CCIN: variants seen among roughly 807,000 people sequenced by gnomAD.
The protein encoded by CCIN is testis tissue sperm-binding protein Li 65n.
CCIN carries 15 observed loss-of-function variants against 32.2 expected under a neutral mutation model. The ratio of observed to expected loss-of-function variants is 0.47; its 90% confidence interval spans 0.31 to 0.72. The LOEUF (loss-of-function observed/expected upper bound fraction) is 0.72, where lower values mean the gene tolerates loss of function less well. Among genes scored for constraint, CCIN ranks in the 30% least tolerant of loss-of-function variants. The pLI, the probability that CCIN is intolerant of heterozygous loss-of-function variation, is 0.05. For synonymous variants in CCIN, 302 were observed against 297.4 expected, an observed-to-expected ratio of 1.02 and a Z score of -0.16; for missense variants, 623 against 759.4, an observed-to-expected ratio of 0.82 and a Z score of 2.11.
rs780732608 is a variant in CCIN, at chr9:36,170,373, G to A, written c.871G>A (p.Gly291Ser). The A allele has an allele frequency of 3.7e-6, 6 of 1,614,028 alleles. No homozygotes were observed. The highest frequency in any genetic ancestry group is 1.7e-5 in the Admixed American group (1 of 60,010). The change falls in exon 1 of 1, where the codon GGC becomes AGC. Residue 291 changes from glycine to serine, a missense_variant. By Grantham distance (56) the Gly-to-Ser change is moderately conservative (BLOSUM62 0). Coordinates refer to ENST00000335119, the MANE Select transcript of CCIN (RefSeq NM_005893.3). ...VVILGGQKAH[G>S]QFNDGVFAYI... is the part of the protein sequence containing the mutation. Reference sequence around the variant, plus strand: ...CATCCTCGGTGGCCAGAAGGCCCACGGCCAGTTCAATGATGGAGTGTTTGC... The same window carrying A: ...CATCCTCGGTGGCCAGAAGGCCCACAGCCAGTTCAATGATGGAGTGTTTGC...
In CCIN at chr9:36,169,979, C is replaced by T. The variant is rs1423435941; in HGVS notation, c.477C>T (p.Asn159=). ...SDVAYSGIRD[N]FHYWASPEGS... ...TAGCTTACTCTGGCATTCGGGACAA[C>T]TTCCACTACTGGGCCAGTCCTGAGG... is the stretch of plus-strand genomic sequence containing the variant. The change falls in exon 1 of 1, where the codon AAC becomes AAT. Residue 159 remains asparagine, a synonymous_variant. Transcript: ENST00000335119. The T allele has an allele frequency of 3.1e-6, 5 of 1,614,022 alleles. No individual in the cohort carries two copies. In the South Asian group the frequency reaches 4.4e-5, roughly 14 times the overall value.
In CCIN at chr9:36,169,732, T is replaced by C. The variant is rs1228645269; in HGVS notation, c.230T>C (p.Leu77Pro). Residue 77 changes from leucine (L) to proline (P), a missense_variant, in exon 1 of 1, where the codon CTG (leucine) becomes CCG (proline). Leu to Pro is a moderately conservative substitution (Grantham distance 98). Transcript: ENST00000335119. ...ELFITIDTSY[L>P]SPVTVDQLLD... ...TTCATCACCATTGACACCAGTTACC[T>C]GAGCCCGGTCACAGTGGACCAGCTT... 1 of 1,614,188 alleles carries C rather than the reference T, an allele frequency of 6.2e-7. No individual in the cohort carries two copies. Among genetic ancestry groups the C allele is most frequent in the Non-Finnish European group, 8.5e-7 (1 of 1,180,034 alleles).
Position 36,169,672 on chromosome 9 carries a change from T to C in CCIN, c.170T>C (p.Ile57Thr). 2 of 1,614,144 alleles carry C rather than the reference T, an allele frequency of 1.2e-6. No homozygotes were observed. The highest frequency in any genetic ancestry group is 1.1e-5 in the South Asian group (1 of 91,078). The part of the protein sequence containing the change: ...AAVSPLVRSL[I>T]SSNDMKTADE... Reference sequence around the variant, plus strand: ...GTCTCCCCACTGGTGAGGAGCCTCATCTCCAGCAATGACATGAAGACCGCT... The same window carrying C: ...GTCTCCCCACTGGTGAGGAGCCTCACCTCCAGCAATGACATGAAGACCGCT... Residue 57 changes from isoleucine to threonine, a missense_variant, in exon 1 of 1, where the codon ATC (isoleucine) becomes ACC (threonine). Ile to Thr is a moderately conservative substitution (Grantham distance 89, BLOSUM62 -1). Coordinates refer to ENST00000335119, the MANE Select transcript of CCIN (RefSeq NM_005893.3).
chr9:36,170,626 G>T lies in CCIN; in HGVS notation c.1124G>T (p.Gly375Val). Residue 375 changes from glycine (G) to valine (V), a missense_variant, in exon 1 of 1, where the codon GGG (glycine) becomes GTG (valine). Physicochemically the swap from Gly to Val is moderately radical, Grantham distance 109 (BLOSUM62 -3). Coordinates refer to ENST00000335119, the MANE Select transcript of CCIN (RefSeq NM_005893.3). ...TTCCACACCATGGTGACCTGTGGGGGGACAGTGTACTCAGTGGGCGGGAGC... is the reference window on the plus strand; with the variant it reads ...TTCCACACCATGGTGACCTGTGGGGTGACAGTGTACTCAGTGGGCGGGAGC... ...LVFHTMVTCG[G>V]TVYSVGGSIA... 1 of 1,614,136 alleles carries T rather than the reference G, an allele frequency of 6.2e-7. No individual in the cohort carries two copies. Among genetic ancestry groups the T allele is most frequent in the Non-Finnish European group, 8.5e-7 (1 of 1,179,990 alleles).
In CCIN at chr9:36,170,906, G is replaced by T; in HGVS notation, c.1404G>T (p.Arg468=). 1.2e-6 allele frequency: 2 copies of T among 1,614,186 alleles called. No homozygotes were observed. The highest frequency in any genetic ancestry group is 2.2e-5 in the East Asian group (1 of 44,888). ...CCTTCCCCATTGAGTTCAACCATCG[G>T]CCCCTGCTCTCTTTCCAACAGGACA... is the stretch of plus-strand genomic sequence containing the variant. ...CITFPIEFNH[R]PLLSFQQDNI... is the part of the protein sequence containing the mutation. Residue 468 remains arginine, a synonymous_variant, in exon 1 of 1, where the codon CGG becomes CGT. Coordinates refer to ENST00000335119, the MANE Select transcript of CCIN (RefSeq NM_005893.3).
In CCIN at chr9:36,170,769, G is replaced by A. The variant is rs1826304270; in HGVS notation, c.1267G>A (p.Asp423Asn). 1 of 1,614,286 alleles carries A rather than the reference G, an allele frequency of 6.2e-7. No individual in the cohort carries two copies. The highest frequency in any genetic ancestry group is 1.1e-5 in the South Asian group (1 of 91,090). Residue 423 changes from aspartate (D) to asparagine (N), a missense_variant, in exon 1 of 1, where the codon GAC (aspartate) becomes AAC (asparagine). By Grantham distance (23) the Asp-to-Asn change is conservative (BLOSUM62 1). Transcript: ENST00000335119. ...MDGTAVITKG[D>N]RHLYIVTGRC... The stretch of plus-strand genomic sequence containing the variant: ...TGGCACCGCCGTGATCACTAAAGGA[G>A]ACAGGCATCTGTACATTGTCACTGG...
Position 36,171,276 on chromosome 9 carries a change from T to C in CCIN, c.*7T>C. ...GATTCTTCAAAGGATTTAAACATTT[T>C]AAGTGGGAGAATAAGTAAATGCATT... On this transcript the variant is annotated 3_prime_UTR_variant, in exon 1 of 1. Coordinates refer to ENST00000335119, the MANE Select transcript of CCIN (RefSeq NM_005893.3). 1 of 1,609,440 alleles carries C rather than the reference T, an allele frequency of 6.2e-7. No individual in the cohort carries two copies.
At position 36,169,488 on chromosome 9, in the gene CCIN, C is replaced by A. The variant is rs1478705920; in HGVS notation, c.-15C>A. On this transcript the variant is annotated 5_prime_UTR_variant, in exon 1 of 1. Coordinates refer to ENST00000335119, the MANE Select transcript of CCIN (RefSeq NM_005893.3). ...AGTACCTGCTGCTGATCTGTTTCAG[C>A]CGACAAGAGGCACCATGAAATTGGA... 6.2e-7 allele frequency: 1 copy of A among 1,613,536 alleles called. No individual in the cohort carries two copies. The highest frequency in any genetic ancestry group is 1.3e-5 in the African/African-American group (1 of 74,934).
chr9:36,170,028 C>T lies in CCIN; in HGVS notation c.526C>T (p.Pro176Ser), dbSNP rs775150667. 6.2e-7 allele frequency: 1 copy of T among 1,614,072 alleles called. No homozygotes were observed. Among genetic ancestry groups the T allele is most frequent in the Non-Finnish European group, 8.5e-7 (1 of 1,180,026 alleles). The part of the protein sequence containing the change: ...PEGSMHFMRC[P>S]PVIFGRLLRD... Reference sequence around the variant, plus strand: ...GGGCTCCATGCACTTCATGCGCTGTCCACCTGTTATCTTTGGCCGCCTGCT... The same window carrying T: ...GGGCTCCATGCACTTCATGCGCTGTTCACCTGTTATCTTTGGCCGCCTGCT... Residue 176 changes from proline (P) to serine (S), a missense_variant, in exon 1 of 1, where the codon CCA becomes TCA. Transcript: ENST00000335119.
chr9:36,171,302 A>C lies in CCIN; in HGVS notation c.*33A>C. The C allele has an allele frequency of 6.3e-7, 1 of 1,589,060 alleles. No homozygotes were observed. Among genetic ancestry groups the C allele is most frequent in the Non-Finnish European group, 8.6e-7 (1 of 1,166,186 alleles). On this transcript the variant is annotated 3_prime_UTR_variant, in exon 1 of 1. Coordinates refer to ENST00000335119, the MANE Select transcript of CCIN (RefSeq NM_005893.3). ...AAGTGGGAGAATAAGTAAATGCATT[A>C]TTATTCACGATTTAATGAGAGAAAG...
rs17851732 is a variant in CCIN, at chr9:36,170,627, G to A, written c.1125G>A (p.Gly375=). ...LVFHTMVTCG[G]TVYSVGGSIA... The stretch of plus-strand genomic sequence containing the variant: ...TCCACACCATGGTGACCTGTGGGGG[G>A]ACAGTGTACTCAGTGGGCGGGAGCA... Residue 375 remains glycine (G), a synonymous_variant, in exon 1 of 1, where the codon GGG becomes GGA. Coordinates refer to ENST00000335119, the MANE Select transcript of CCIN (RefSeq NM_005893.3). 1.2e-6 allele frequency: 2 copies of A among 1,614,152 alleles called. No individual in the cohort carries two copies. The highest frequency in any genetic ancestry group is 1.7e-6 in the Non-Finnish European group (2 of 1,180,010).
At position 36,170,685 on chromosome 9, in the gene CCIN, C is replaced by T. The variant is rs148954505; in HGVS notation, c.1183C>T (p.Arg395Cys). Residue 395 changes from arginine to cysteine, a missense_variant, in exon 1 of 1, where the codon CGC becomes TGC. Arg to Cys is a radical substitution (Grantham distance 180, BLOSUM62 -3). Coordinates refer to ENST00000335119, the MANE Select transcript of CCIN (RefSeq NM_005893.3). ...AAGGCGGTATGTCTCCAACATCTATCGCTATGATGAGCGGAAGGAAGTCTG... is the reference window on the plus strand; with the variant it reads ...AAGGCGGTATGTCTCCAACATCTATTGCTATGATGAGCGGAAGGAAGTCTG... ...APRRYVSNIY[R>C]YDERKEVWCL... The T allele has an allele frequency of 1.2e-5, 20 of 1,614,266 alleles. No homozygotes were observed. In the South Asian group the frequency reaches 1.6e-4, roughly 13 times the overall value.
In CCIN at chr9:36,169,913, C is replaced by A; in HGVS notation, c.411C>A (p.Leu137=). The A allele has an allele frequency of 1.9e-6, 3 of 1,614,152 alleles. No individual in the cohort carries two copies. Among genetic ancestry groups the A allele is most frequent in the Non-Finnish European group, 2.5e-6 (3 of 1,180,040 alleles). Residue 137 remains leucine (L), a synonymous_variant, in exon 1 of 1, where the codon CTC becomes CTA. Coordinates refer to ENST00000335119, the MANE Select transcript of CCIN (RefSeq NM_005893.3). The part of the protein sequence containing the change: ...SICRANCLRY[L]FLAELFELKE... ...GCCGTGCCAACTGCTTGCGCTACCT[C>A]TTCTTGGCTGAGCTGTTTGAGCTCA...
Position 36,169,485 on chromosome 9 carries a change from C to T in CCIN, c.-18C>T, listed in dbSNP as rs1826277281. ...TCCAGTACCTGCTGCTGATCTGTTT[C>T]AGCCGACAAGAGGCACCATGAAATT... On this transcript the variant is annotated 5_prime_UTR_variant, in exon 1 of 1. Transcript: ENST00000335119. 2 of 1,613,476 alleles carry T rather than the reference C, an allele frequency of 1.2e-6. No homozygotes were observed. The highest frequency in any genetic ancestry group is 2.2e-5 in the South Asian group (2 of 91,016).
chr9:36,170,573 G>A lies in CCIN; in HGVS notation c.1071G>A (p.Lys357=), dbSNP rs760205945. Residue 357 remains lysine, a synonymous_variant, in exon 1 of 1, where the codon AAG becomes AAA. Coordinates refer to ENST00000335119, the MANE Select transcript of CCIN (RefSeq NM_005893.3). ...RYDMDDNSWT[K]LPDLPIGLVF... is the part of the protein sequence containing the mutation. ...ACATGGATGACAACTCCTGGACCAAGTTGCCTGACCTGCCCATCGGGCTTG... is the reference window on the plus strand; with the variant it reads ...ACATGGATGACAACTCCTGGACCAAATTGCCTGACCTGCCCATCGGGCTTG... 200 of 1,613,968 alleles carry A rather than the reference G, an allele frequency of 1.2e-4. No individual in the cohort carries two copies. The highest frequency in any genetic ancestry group is 1.6e-4 in the Non-Finnish European group (188 of 1,180,010).
At position 36,169,845 on chromosome 9, in the gene CCIN, C is replaced by A. The variant is rs141661230; in HGVS notation, c.343C>A (p.Arg115Ser). Reference sequence around the variant, plus strand: ...TGGGGCTCAGTATTTCAACACACCACGCCTTCGAGTTCACTGTAACGACTT... The same window carrying A: ...TGGGGCTCAGTATTTCAACACACCAAGCCTTCGAGTTCACTGTAACGACTT... ...LRGAQYFNTPRLRVHCNDFLI... is the reference protein window; with the variant it reads ...LRGAQYFNTPSLRVHCNDFLI... Residue 115 changes from arginine to serine, a missense_variant, in exon 1 of 1, where the codon CGC becomes AGC. Arg to Ser is a moderately radical substitution (Grantham distance 110, BLOSUM62 -1). Coordinates refer to ENST00000335119, the MANE Select transcript of CCIN (RefSeq NM_005893.3). 5.0e-6 allele frequency: 8 copies of A among 1,614,038 alleles called. No individual in the cohort carries two copies. Among genetic ancestry groups the A allele is most frequent in the Non-Finnish European group, 6.8e-6 (8 of 1,180,038 alleles).
rs1826280965 is a variant in CCIN at position 36,169,657 on chromosome 9, T to C, written c.155T>C (p.Leu52Pro). The C allele has an allele frequency of 1.2e-6, 2 of 1,614,088 alleles. No individual in the cohort carries two copies. The highest frequency in any genetic ancestry group is 1.7e-6 in the Non-Finnish European group (2 of 1,180,046). The change falls in exon 1 of 1, where the codon CTG (leucine) becomes CCG (proline). Residue 52 changes from leucine (L) to proline (P), a missense_variant. Leu to Pro is a moderately conservative substitution (Grantham distance 98). Transcript: ENST00000335119. ...HRNVLAAVSP[L>P]VRSLISSNDM... ...AATGTGCTGGCTGCTGTCTCCCCAC[T>C]GGTGAGGAGCCTCATCTCCAGCAAT... is the stretch of plus-strand genomic sequence containing the variant.
chr9:36,171,323 G>A lies in CCIN; in HGVS notation c.*54G>A. On this transcript the variant is annotated 3_prime_UTR_variant, in exon 1 of 1. Transcript: ENST00000335119. ...CATTATTATTCACGATTTAATGAGA[G>A]AAAGAGAGGAAGATGGCCTGTTGTT... The A allele has an allele frequency of 6.4e-7, 1 of 1,570,460 alleles. No individual in the cohort carries two copies. The highest frequency in any genetic ancestry group is 8.7e-7 in the Non-Finnish European group (1 of 1,155,890).
chr9:36,170,195 GA>G lies in CCIN; in HGVS notation c.694del (p.Thr232ArgfsTer21). ...YINLNAVSNK[T>X]LVFASNKLVG... Reference sequence around the variant, plus strand: ...TCAATCTCAATGCTGTCTCCAATAAGACGCTGGTGTTTGCCAGCAACAAGCT... The same window carrying G: ...TCAATCTCAATGCTGTCTCCAATAAGCGCTGGTGTTTGCCAGCAACAAGCT... On this transcript the variant is annotated frameshift_variant, in exon 1 of 1. Coordinates refer to ENST00000335119, the MANE Select transcript of CCIN (RefSeq NM_005893.3). LOFTEE classifies it high-confidence loss of function. 6.2e-7 allele frequency: 1 copy of G among 1,614,204 alleles called. No individual in the cohort carries two copies. The highest frequency in any genetic ancestry group is 8.5e-7 in the Non-Finnish European group (1 of 1,180,032).
Sources: allele counts gnomAD v4.1 joint callset, GRCh38; gene constraint gnomAD v4.1.1; transcripts MANE v1.5; gene names NCBI Gene and HGNC (gene_info 2026-07-23, HGNC 2026-07-21).